POLRMT: variants seen among roughly 807,000 people sequenced by gnomAD.
POLRMT encodes the protein DNA-directed RNA polymerase, mitochondrial.
In POLRMT, 114 loss-of-function variants were observed where a neutral mutation model predicts 132.2. That is an observed-to-expected ratio of 0.86 (90% CI 0.74 to 1.01). The LOEUF is 1.01. POLRMT is among the 50% of genes least tolerant of loss of function. POLRMT has a pLI of 0.00. For synonymous variants in POLRMT, 1,020 were observed against 773.4 expected, an observed-to-expected ratio of 1.32 and a Z score of -5.29; for missense variants, 2,003 against 1,729.1, an observed-to-expected ratio of 1.16 and a Z score of -2.81.
At position 626,279 on chromosome 19, in the gene POLRMT, G is replaced by A. The variant is rs182261093; in HGVS notation, c.823-1025C>T. ...CGATTCTCCTGCCTCAGCCTCCTGA[G>A]TAGCTGGGACTACAGGCACATGCCA... On this transcript the variant is annotated intron_variant, in intron 3 of 20. Coordinates refer to ENST00000588649, the MANE Select transcript of POLRMT (RefSeq NM_005035.4). 3.1e-3 allele frequency among the ~76,000 whole-genome samples: 475 copies of A among 152,024 alleles called. 1 individual carries two copies. The highest frequency in any genetic ancestry group is 5.4e-3 in the Admixed American group (82 of 15,276).
rs371250815 is a variant in POLRMT at position 619,922 on chromosome 19, C to G, written c.2886+36G>C. The G allele has an allele frequency of 2.5e-6, 4 of 1,598,760 alleles. No individual in the cohort carries two copies. The African/African-American group carries it at 4.0e-5, about 16-fold the overall frequency. On this transcript the variant is annotated intron_variant, in intron 12 of 20. Transcript: ENST00000588649. ...AGACTCAGGGCTCACATTGCCCCCA[C>G]GCCGAGATGCCCCCGGGCAGCAGGG...
At position 619,248 on chromosome 19, in the gene POLRMT, T is replaced by G. The variant is rs778103620; in HGVS notation, c.3115A>C (p.Ser1039Arg). The G allele has an allele frequency of 1.2e-6, 2 of 1,606,358 alleles. No homozygotes were observed. Among genetic ancestry groups the G allele is most frequent in the Admixed American group, 3.4e-5 (2 of 59,410 alleles). The stretch of plus-strand genomic sequence containing the variant: ...GTCCCCGAGAACATCTCCTGTAGAC[T>G]CTTGAAGACCTGGCGTACGAGATAG... The part of the protein sequence containing the change: ...SHYLVRQVFK[S>R]LQEMFSGTRA... Residue 1039 changes from serine (S) to arginine (R), a missense_variant, in exon 14 of 21, where the codon AGT becomes CGT. Coordinates refer to ENST00000588649, the MANE Select transcript of POLRMT (RefSeq NM_005035.4).
intron 2 of POLRMT, among the ~76,000 whole-genome samples, chr19:630,412 C>G (rs950178341): frequency 1.3e-5 from 2 of 152,206 alleles, no homozygotes; most frequent in African/African-American, 4.8e-5. Flanking sequence ...TAACAAGCTG[C>G]CACCGAAACC....
rs1471204749 is a variant in POLRMT, at chr19:621,434, TTGC to T, written c.2261_2263del (p.Arg754_Lys755delinsGln). ...CGCCAGCTCACGGCGCAGCTCGGCC[TTGC>T]GGGCGGGCGCGGCGCTGTGCGGCAG... is the stretch of plus-strand genomic sequence containing the variant. On this transcript the variant is annotated inframe_deletion, in exon 10 of 21. Transcript: ENST00000588649. 6.2e-6 allele frequency: 9 copies of T among 1,461,356 alleles called. No individual in the cohort carries two copies. The highest frequency in any genetic ancestry group is 6.3e-6 in the Non-Finnish European group (7 of 1,111,742). The allele number at this position is 1,461,356 out of a possible 1,614,324, so 90.5% of individuals were successfully genotyped here.
chr19:622,657 C>A lies in POLRMT; in HGVS notation c.1551G>T (p.Gln517His). ...RTFSRHVVQR[Q>H]RVSGQVQALQ... ...GCGCCTGCACCTGGCCACTGACCCG[C>A]TGCCTCTGCACCACGTGCCGGCTGA... The change falls in exon 8 of 21, where the codon CAG becomes CAT. Residue 517 changes from glutamine to histidine, a missense_variant. Coordinates refer to ENST00000588649, the MANE Select transcript of POLRMT (RefSeq NM_005035.4). 1 of 1,607,088 alleles carries A rather than the reference C, an allele frequency of 6.2e-7. No individual in the cohort carries two copies. The highest frequency in any genetic ancestry group is 8.5e-7 in the Non-Finnish European group (1 of 1,178,228).
In POLRMT at chr19:617,789, G is replaced by A. The variant is rs374409008; in HGVS notation, c.3483C>T (p.Ser1161=). ...DCYWTHAADV[S]VMNQVCREQF... ...ACTACGGGGGCACCTGGTTCATGAC[G>A]GAGACATCAGCTGCGTGAGTCCAGT... The change falls in exon 18 of 21, where the codon TCC becomes TCT. Residue 1161 remains serine (S), a synonymous_variant. Coordinates refer to ENST00000588649, the MANE Select transcript of POLRMT (RefSeq NM_005035.4). The A allele has an allele frequency of 5.5e-5, 88 of 1,613,230 alleles. No individual in the cohort carries two copies. The highest frequency in any genetic ancestry group is 4.3e-4 in the South Asian group (39 of 91,078).
At position 633,507 on chromosome 19, in the gene POLRMT, C is replaced by T. The variant is rs748974526; in HGVS notation, c.6G>A (p.Ser2=). 1.8e-5 allele frequency: 27 copies of T among 1,486,238 alleles called. No homozygotes were observed. In the African/African-American group the frequency reaches 4.1e-4, roughly 22 times the overall value. 92.1% of individuals were successfully genotyped at this position (1,486,238 alleles called of 1,614,324 possible). M[S]ALCWGRGAAG... is the part of the protein sequence containing the mutation. ...CCGCTCCGCGGCCCCAGCAAAGTGC[C>T]GACATTACGCACGCCGCTCCAGGCC... The change falls in exon 1 of 21, where the codon TCG becomes TCA. Residue 2 remains serine (S), a synonymous_variant. Transcript: ENST00000588649.
At chr19:627,538 C>T (rs551475048) in intron 3 of POLRMT, among the ~76,000 whole-genome samples, 1 of 152,242 alleles carries the variant, frequency 6.6e-6, no homozygotes, top group African/African-American at 2.4e-5. Context: ...CAGTTCTTCC[C>T]TTTCACCAGC....
In POLRMT at chr19:632,911, C is replaced by T. The variant is rs1450255314; in HGVS notation, c.116G>A (p.Arg39Lys). 6 of 1,532,386 alleles carry T rather than the reference C, an allele frequency of 3.9e-6. No homozygotes were observed. The highest frequency in any genetic ancestry group is 5.2e-6 in the Non-Finnish European group (6 of 1,144,814). 94.9% of individuals were successfully genotyped at this position (1,532,386 alleles called of 1,614,324 possible). ...EGTAGGVCGP[R>K]RSSSASPQEQ... ...CTGGGGGCTGGCGGACGAGCTCCTC[C>T]TGGGGCCGCAGACGCCACCGGCGGT... Residue 39 changes from arginine to lysine, a missense_variant, in exon 2 of 21, where the codon AGG becomes AAG. By Grantham distance (26) the Arg-to-Lys change is conservative. Transcript: ENST00000588649.
intron 8 of POLRMT, 34 bp from the exon 9 acceptor site, chr19:622,407 G>C: frequency 6.6e-7 from 1 of 1,512,620 alleles, no homozygotes; most frequent in Non-Finnish European, 8.9e-7. Flanking sequence ...GCTGGGCACC[G>C]GGGCCCCTGA....
In POLRMT at chr19:622,733, G is replaced by T; in HGVS notation, c.1475C>A (p.Ala492Asp). The T allele has an allele frequency of 6.3e-7, 1 of 1,594,702 alleles. No individual in the cohort carries two copies. The highest frequency in any genetic ancestry group is 8.5e-7 in the Non-Finnish European group (1 of 1,172,248). Residue 492 changes from alanine to aspartate, a missense_variant, in exon 8 of 21, where the codon GCC becomes GAC. Physicochemically the swap from Ala to Asp is moderately radical, Grantham distance 126. Coordinates refer to ENST00000588649, the MANE Select transcript of POLRMT (RefSeq NM_005035.4). ...CAGGGTGGTGAAGGACTCACCTTGGGCGGGCAGCGCCTGCAGGACCTGCGG... is the reference window on the plus strand; with the variant it reads ...CAGGGTGGTGAAGGACTCACCTTGGTCGGGCAGCGCCTGCAGGACCTGCGG... ...MLLQVLQALP[A>D]QGESFTTLAR...
chr19:617,742 C>G, intron 18 of POLRMT, 35 bp downstream of exon 18: 1 of 1,612,590 alleles, frequency 6.2e-7, no homozygotes, highest in Non-Finnish European at 8.5e-7. Flanking sequence ...GGGGCCCCAC[C>G]CATGGGTGGA....
At position 619,775 on chromosome 19, in the gene POLRMT, G is replaced by A. The variant is rs757798459; in HGVS notation, c.2887-10C>T. On this transcript the variant is annotated splice_polypyrimidine_tract_variant and intron_variant, in intron 12 of 20. Coordinates refer to ENST00000588649, the MANE Select transcript of POLRMT (RefSeq NM_005035.4). ...TACGGAACACCTCCACCTGCACGGC[G>A]GGTGGGCCGGGGGCGCGGGTCAGCC... 2.8e-5 allele frequency: 44 copies of A among 1,556,080 alleles called. No individual in the cohort carries two copies. Among genetic ancestry groups the A allele is most frequent in the African/African-American group, 5.5e-5 (4 of 73,328 alleles).
At position 632,832 on chromosome 19, in the gene POLRMT, A is replaced by C. The variant is rs1600601182; in HGVS notation, c.193+2T>G. On this transcript the variant is annotated splice_donor_variant, in intron 2 of 20. Coordinates refer to ENST00000588649, the MANE Select transcript of POLRMT (RefSeq NM_005035.4). LOFTEE classifies it high-confidence loss of function. ...CCGGGCCGCCGTGGGGGTCGCGCTC[A>C]CCCTCCAGCAGCTCCACGTGGCCCC... The C allele has an allele frequency of 2.6e-6, 4 of 1,532,572 alleles. No individual in the cohort carries two copies. The highest frequency in any genetic ancestry group is 3.5e-6 in the Non-Finnish European group (4 of 1,141,866). 94.9% of individuals were successfully genotyped at this position (1,532,572 alleles called of 1,614,324 possible).
Position 622,155 on chromosome 19 carries a change from G to A in POLRMT, c.1845C>T (p.Val615=), listed in dbSNP as rs774275677. The A allele has an allele frequency of 1.8e-5, 28 of 1,555,114 alleles. No homozygotes were observed. The highest frequency in any genetic ancestry group is 5.6e-5 in the Admixed American group (3 of 54,010). The change falls in exon 9 of 21, where the codon GTC becomes GTT. Residue 615 remains valine, a synonymous_variant. Transcript: ENST00000588649. ...GGAGGGCACTGCCTGGCACCTGCTGGACGTTGCGGAAGGAATACACGTGGT... is the reference window on the plus strand; with the variant it reads ...GGAGGGCACTGCCTGGCACCTGCTGAACGTTGCGGAAGGAATACACGTGGT... ...VLYHVYSFRN[V]QQIGILKPHP...
Position 624,801 on chromosome 19 carries a change from T to C in POLRMT, c.1058A>G (p.Lys353Arg), listed in dbSNP as rs775438819. Residue 353 changes from lysine to arginine, a missense_variant, in exon 5 of 21, where the codon AAG (lysine) becomes AGG (arginine). Physicochemically the swap from Lys to Arg is conservative, Grantham distance 26. Coordinates refer to ENST00000588649, the MANE Select transcript of POLRMT (RefSeq NM_005035.4). Reference protein sequence around the residue: ...DRATVLKAVHKVKPTFSLPPQ... With the variant: ...DRATVLKAVHRVKPTFSLPPQ... ...CGGGAGGCTGAAGGTGGGCTTCACC[T>C]TGTGCACGGCCTTCAGAACAGTGGC... 43 of 1,613,396 alleles carry C rather than the reference T, an allele frequency of 2.7e-5. No homozygotes were observed. The highest frequency in any genetic ancestry group is 3.5e-5 in the Non-Finnish European group (41 of 1,180,012).
intron 9 of POLRMT, 146 bp from the exon 10 acceptor site, chr19:621,992 G>A (rs1327049761): frequency 2.5e-6 from 3 of 1,189,758 alleles, no homozygotes; most frequent in East Asian, 5.1e-5. Context: ...TCCAGAAACG[G>A]CCGGACACCT....
Position 629,547 on chromosome 19 carries a change from G to A in POLRMT, c.815C>T (p.Ala272Val), listed in dbSNP as rs1339218084. Residue 272 changes from alanine to valine, a missense_variant, in exon 3 of 21, where the codon GCG (alanine) becomes GTG (valine). Coordinates refer to ENST00000588649, the MANE Select transcript of POLRMT (RefSeq NM_005035.4). The stretch of plus-strand genomic sequence containing the variant: ...GCTCCCGGCTGCACTCACCTGCCGC[G>A]CCCAGCCAAGCATCACGGCGTTGTA... Reference protein sequence around the residue: ...DMYNAVMLGWARQGAFKELVY... With the variant: ...DMYNAVMLGWVRQGAFKELVY... 2.0e-6 allele frequency: 3 copies of A among 1,523,160 alleles called. No homozygotes were observed. The highest frequency in any genetic ancestry group is 2.6e-6 in the Non-Finnish European group (3 of 1,134,756). The allele number at this position is 1,523,160 out of a possible 1,614,324, so 94.4% of individuals were successfully genotyped here.
chr19:630,289 T>A, intron 2 of POLRMT, 121 bp from the exon 3 acceptor site: 1 of 1,190,170 alleles, frequency 8.4e-7, no homozygotes, highest in Non-Finnish European at 1.2e-6. Context: ...ACCCAAGGCG[T>A]GAATTCCTCA....
Sources: allele counts gnomAD v4.1 joint callset (sites outside exome capture counted in the v4.1 genomes callset), GRCh38; gene constraint gnomAD v4.1.1; transcripts MANE v1.5; gene names NCBI Gene and HGNC (gene_info 2026-07-23, HGNC 2026-07-21).